The following STRC variants were observed in gnomAD, a reference collection of about 807,000 sequenced individuals.
STRC encodes stereocilin.
A neutral mutation model predicts 103.5 loss-of-function variants in STRC; 43 were observed. The ratio of observed to expected loss-of-function variants is 0.42; its 90% CI spans 0.33 to 0.54. STRC has a LOEUF of 0.54. Ranked by LOEUF, STRC falls within the 20% of genes least tolerant of loss-of-function variation. The pLI is 0.14. For missense variants in STRC, 499 were observed against 1,088.5 expected (o/e 0.46, Z 7.62); for synonymous variants, 186 against 442.3 (o/e 0.42, Z 7.27).
In STRC at chr15:43,603,474, T is replaced by C. The variant is rs548994001; in HGVS notation, c.4376-63A>G. 2.0e-4 allele frequency: 303 copies of C among 1,549,298 alleles called. 3 individuals are homozygous for C. The South Asian group carries it at 3.2e-3, about 16-fold the overall frequency. Reference sequence around the variant, plus strand: ...AATAAAATATGCCCAGAGAGATATCTGTAGATAGAGTGAGTCTTCCAACCT... The same window carrying C: ...AATAAAATATGCCCAGAGAGATATCCGTAGATAGAGTGAGTCTTCCAACCT... On this transcript the variant is annotated intron_variant, in intron 22 of 28. Transcript: ENST00000450892.
At position 43,601,558 on chromosome 15, in the gene STRC, G is replaced by A. The variant is rs1359282599; in HGVS notation, c.4546-7C>T. ...CCCGGGGGGGACCCCACAACTAGGA[G>A]AAAGACAGGAACAATGTGAGTGGAA... is the stretch of plus-strand genomic sequence containing the variant. On this transcript the variant is annotated splice_region_variant and splice_polypyrimidine_tract_variant and intron_variant, in intron 23 of 28. Coordinates refer to ENST00000450892, the MANE Select transcript of STRC (RefSeq NM_153700.2). The A allele has an allele frequency of 5.6e-6, 9 of 1,613,644 alleles. No homozygotes were observed. The South Asian group carries it at 9.9e-5, about 18-fold the overall frequency.
rs188549589 is a variant in STRC at position 43,604,676 on chromosome 15, C to G, written c.4101G>C (p.Trp1367Cys). The change falls in exon 20 of 29, where the codon TGG becomes TGC. Residue 1367 changes from tryptophan to cysteine, a missense_variant. Trp to Cys is a radical substitution (Grantham distance 215). Coordinates refer to ENST00000450892, the MANE Select transcript of STRC (RefSeq NM_153700.2). ...LGETFATELG[W>C]LLLQESVLGK... is the part of the protein sequence containing the mutation. ...CAAGAACAGACTCCTGCAATAGCAGCCATCCCAGCTCTGTGGCAAATGTCT... is the reference window on the plus strand; with the variant it reads ...CAAGAACAGACTCCTGCAATAGCAGGCATCCCAGCTCTGTGGCAAATGTCT... The G allele has an allele frequency of 1.2e-6, 2 of 1,613,628 alleles. No homozygotes were observed. Among genetic ancestry groups the G allele is most frequent in the East Asian group, 4.5e-5 (2 of 44,858 alleles).
In STRC at chr15:43,600,112, G is replaced by T. The variant is rs1266683887; in HGVS notation, c.5092-5C>A. The T allele has an allele frequency of 6.2e-7, 1 of 1,612,422 alleles. No individual in the cohort carries two copies. Among genetic ancestry groups the T allele is most frequent in the Non-Finnish European group, 8.5e-7 (1 of 1,179,452 alleles). ...TTGGATGGGACTAAACACCACCTGAGGGCAGGGGTAGGAATCAGTGCATGC... is the reference window on the plus strand; with the variant it reads ...TTGGATGGGACTAAACACCACCTGATGGCAGGGGTAGGAATCAGTGCATGC... On this transcript the variant is annotated splice_polypyrimidine_tract_variant and splice_region_variant and intron_variant, in intron 27 of 28. Transcript: ENST00000450892.
At position 43,605,415 on chromosome 15, in the gene STRC, G is replaced by T. The variant is rs1567117978; in HGVS notation, c.3795-16C>A. 1 of 1,595,628 alleles carries T rather than the reference G, an allele frequency of 6.3e-7. No individual in the cohort carries two copies. The highest frequency in any genetic ancestry group is 8.6e-7 in the Non-Finnish European group (1 of 1,169,436). On this transcript the variant is annotated splice_polypyrimidine_tract_variant and intron_variant, in intron 18 of 28. Transcript: ENST00000450892. The stretch of plus-strand genomic sequence containing the variant: ...CAACTGGATCCTATTACAGCAATTT[G>T]ACAACAACAGGATTCAGGTGGAGCT...
intron 18 of STRC, among the ~76,000 whole-genome samples, chr15:43,606,295 A>G (rs2085709967): frequency 1.1e-5 from 1 of 89,462 alleles, no homozygotes; most frequent in South Asian, 5.0e-4. Flanking sequence ...ACAGATCTGA[A>G]TGGCATTAAA....
rs771060490 is a variant in STRC, at chr15:43,604,716, C to A, written c.4061G>T (p.Gly1354Val). ...GGCAAATGTCTCTCCTAGGCAGAAG[C>A]CTTGCAGCTGACTGAGATGGGACAG... ...ILLSHLSQLQ[G>V]FCLGETFATE... is the part of the protein sequence containing the mutation. Residue 1354 changes from glycine to valine, a missense_variant, in exon 20 of 29, where the codon GGC becomes GTC. Transcript: ENST00000450892. 42 of 1,613,520 alleles carry A rather than the reference C, an allele frequency of 2.6e-5. No homozygotes were observed. The Middle Eastern group carries it at 4.9e-4, about 19-fold the overall frequency.
In STRC at chr15:43,600,580, G is replaced by A. The variant is rs755576635; in HGVS notation, c.4947C>T (p.Ile1649=). The A allele has an allele frequency of 3.7e-6, 6 of 1,613,302 alleles. No homozygotes were observed. The East Asian group carries it at 1.1e-4, about 30-fold the overall frequency. Residue 1649 remains isoleucine (I), a synonymous_variant, in exon 26 of 29, where the codon ATC becomes ATT. Coordinates refer to ENST00000450892, the MANE Select transcript of STRC (RefSeq NM_153700.2). Reference sequence around the variant, plus strand: ...TGAAGATCTCAGGCCCCCAGTTACTGATTGGGCCAAACCCACCAGGCAGTA... The same window carrying A: ...TGAAGATCTCAGGCCCCCAGTTACTAATTGGGCCAAACCCACCAGGCAGTA... The part of the protein sequence containing the change: ...LLVLPGGFGP[I]SNWGPEIFTE...
Position 43,608,013 on chromosome 15 carries a change from G to C in STRC, c.3682-38C>G, listed in dbSNP as rs779830743. The C allele has an allele frequency of 3.9e-5, 63 of 1,610,890 alleles. 1 individual carries two copies. Among genetic ancestry groups the C allele is most frequent in the Non-Finnish European group, 5.2e-5 (61 of 1,179,502 alleles). ...AGTGTGAGGCCAGAGCAGAACATAG[G>C]AGCTGGGTTCTATACCTAGGGTCCC... On this transcript the variant is annotated intron_variant, in intron 17 of 28. Transcript: ENST00000450892.
In STRC at chr15:43,600,988, T is replaced by C. The variant is rs1215242712; in HGVS notation, c.4728A>G (p.Leu1576=). The change falls in exon 25 of 29, where the codon CTA becomes CTG. Residue 1576 remains leucine, a synonymous_variant. Transcript: ENST00000450892. ...TQLRIVVSSF[L]RQSGRHVSHL... is the part of the protein sequence containing the mutation. ...GGCTCACATGCCGACCACTCTGCCGTAGGAAACTGGAGACCACAATGCGGA... is the reference window on the plus strand; with the variant it reads ...GGCTCACATGCCGACCACTCTGCCGCAGGAAACTGGAGACCACAATGCGGA... 8 of 1,273,468 alleles carry C rather than the reference T, an allele frequency of 6.3e-6. No homozygotes were observed. Among genetic ancestry groups the C allele is most frequent in the Non-Finnish European group, 8.5e-6 (8 of 942,538 alleles). The allele number at this position is 1,273,468 out of a possible 1,614,324, so 78.9% of individuals were successfully genotyped here. A position where few individuals can be genotyped will look rare whatever the true frequency, so the allele number is the denominator to read the frequency against.
At chr15:43,602,859 A>G (rs2085681818) in intron 23 of STRC, among the ~76,000 whole-genome samples, 1 of 151,090 alleles carries the variant, frequency 6.6e-6, no homozygotes, top group Admixed American at 6.6e-5. Flanking sequence ...GTTAGACAGG[A>G]TGGTCTTGAT....
In STRC at chr15:43,610,984, C is replaced by T. The variant is rs1057518394; in HGVS notation, c.3307G>A (p.Val1103Ile). 15 of 1,598,804 alleles carry T rather than the reference C, an allele frequency of 9.4e-6. No individual in the cohort carries two copies. The highest frequency in any genetic ancestry group is 1.7e-5 in the Admixed American group (1 of 58,532). The change falls in exon 14 of 29, where the codon GTT becomes ATT. Residue 1103 changes from valine (V) to isoleucine (I), a missense_variant and splice_region_variant. By Grantham distance (29) the Val-to-Ile change is conservative. Coordinates refer to ENST00000450892, the MANE Select transcript of STRC (RefSeq NM_153700.2). ...QTAALLQTFR[V>I]KDGVKNMGTT... The stretch of plus-strand genomic sequence containing the variant: ...CCCATATTTTTAACACCATCTTTAA[C>T]CTGCATGAGAATTGGTTGTGTGTGT...
In STRC at chr15:43,601,632, C is replaced by A. The variant is rs1462747492; in HGVS notation, c.4546-81G>T. Reference sequence around the variant, plus strand: ...TGCTGGGTTTTAAGTCTTGCCTCTGCCCTTAGCTGTATAACTCTAGGTAAA... The same window carrying A: ...TGCTGGGTTTTAAGTCTTGCCTCTGACCTTAGCTGTATAACTCTAGGTAAA... On this transcript the variant is annotated intron_variant, in intron 23 of 28. Transcript: ENST00000450892. The A allele has an allele frequency of 2.1e-5, 30 of 1,442,618 alleles. No homozygotes were observed. In the Admixed American group the frequency reaches 3.0e-4, roughly 14 times the overall value. 89.4% of individuals were successfully genotyped at this position (1,442,618 alleles called of 1,614,324 possible).
In STRC at chr15:43,602,067, A is replaced by T. The variant is rs1395280293; in HGVS notation, c.4546-516T>A. Among the ~76,000 whole-genome samples, 4 of 144,618 alleles carry T rather than the reference A, an allele frequency of 2.8e-5. No homozygotes were observed. The East Asian group carries it at 8.5e-4, about 31-fold the overall frequency. The allele number at this position is 144,618 out of a possible 152,430, so 94.9% of individuals were successfully genotyped here. The stretch of plus-strand genomic sequence containing the variant: ...GATGTAGAGGTTACAGTGAGCCAAG[A>T]TCACACCACTGCACTCCAGCCTGGA... On this transcript the variant is annotated intron_variant, in intron 23 of 28. Transcript: ENST00000450892.
At position 43,600,182 on chromosome 15, in the gene STRC, C is replaced by T; in HGVS notation, c.5091+14G>A. On this transcript the variant is annotated intron_variant, in intron 27 of 28. Transcript: ENST00000450892. The stretch of plus-strand genomic sequence containing the variant: ...CTGGCTCTCCTGTGGTCACCCCAGT[C>T]CATTAATACTTACAGCAAATTTAGG... The T allele has an allele frequency of 6.7e-7, 1 of 1,481,546 alleles. No individual in the cohort carries two copies. Among genetic ancestry groups the T allele is most frequent in the South Asian group, 1.2e-5 (1 of 84,076 alleles). 91.8% of individuals were successfully genotyped at this position (1,481,546 alleles called of 1,614,324 possible). A position where few individuals can be genotyped will look rare whatever the true frequency, so the allele number is the denominator to read the frequency against.
At position 43,608,463 on chromosome 15, in the gene STRC, G is replaced by A. The variant is rs1452091603; in HGVS notation, c.3558-260C>T. ...TGTGGTAAACTGAAACTAGAGCCAT[G>A]TCTTAGATTCTGAAGCCCTTGGGAG... On this transcript the variant is annotated intron_variant, in intron 16 of 28. Coordinates refer to ENST00000450892, the MANE Select transcript of STRC (RefSeq NM_153700.2). Among the ~76,000 whole-genome samples the A allele has an allele frequency of 2.8e-5, 4 of 142,954 alleles. 1 individual carries two copies. The highest frequency in any genetic ancestry group is 6.2e-5 in the Non-Finnish European group (4 of 64,886). 93.8% of individuals were successfully genotyped at this position (142,954 alleles called of 152,430 possible). A position where few individuals can be genotyped will look rare whatever the true frequency, so the allele number is the denominator to read the frequency against.
intron 22 of STRC, 76 bp from the exon 23 acceptor site, chr15:43,603,487 A>C: frequency 6.7e-7 from 1 of 1,488,350 alleles, no homozygotes; most frequent in Non-Finnish European, 9.3e-7. Context: ...AGATAGAGTG[A>C]GTCTTCCAAC....
At chr15:43,602,897 G>C (rs762900560) in intron 23 of STRC, among the ~76,000 whole-genome samples, 2 of 151,132 alleles carry the variant, frequency 1.3e-5, no homozygotes, top group Non-Finnish European at 1.5e-5. Context: ...TGCCCGCCTT[G>C]GCCTCCCAAA....
intron 23 of STRC, among the ~76,000 whole-genome samples, chr15:43,602,002 C>G (rs1179620940): frequency 6.6e-6 from 1 of 150,782 alleles, no homozygotes. Flanking sequence ...GTAGTCCCAG[C>G]TACTTGAGAG....
intron 24 of STRC, 90 bp from the exon 25 acceptor site, chr15:43,601,104 T>C: frequency 9.6e-7 from 1 of 1,038,888 alleles, no homozygotes; most frequent in South Asian, 1.4e-5. Context: ...GGTTATATTC[T>C]GTTACTATTA....
Sources: gnomAD v4.1 joint callset for allele counts (sites outside exome capture counted in the v4.1 genomes callset) on GRCh38, gnomAD v4.1.1 for gene constraint, MANE v1.5 for transcripts, NCBI Gene and HGNC (gene_info 2026-07-23, HGNC 2026-07-21) for gene names.